YTHDC2: variants seen among roughly 807,000 people sequenced by gnomAD.
YTHDC2 encodes 3'-5' RNA helicase YTHDC2.
Under a neutral mutation model 174.9 loss-of-function variants are expected in YTHDC2, and 45 were observed. The observed-to-expected ratio is 0.26, with a 90% confidence interval of 0.20 to 0.33. YTHDC2 has a LOEUF of 0.33. Among genes scored for constraint, YTHDC2 ranks in the 10% least tolerant of loss-of-function variants. The probability of loss-of-function intolerance (pLI) is 1.00; values close to 1 mark genes in which losing one functional copy is unlikely to be tolerated. For missense variants in YTHDC2, 1,650 were observed against 1,723.7 expected, an observed-to-expected ratio of 0.96 and a Z score of 0.76; for synonymous variants, 657 against 574.5, an observed-to-expected ratio of 1.14 and a Z score of -2.05.
intron 12 of YTHDC2, among the ~76,000 whole-genome samples, chr5:113,551,065 G>A (rs1037425800): frequency 7.9e-5 from 12 of 151,978 alleles, no homozygotes; most frequent in African/African-American, 2.9e-4. Flanking sequence ...CTGGGTTTTT[G>A]TACTTAATTT....
intron 12 of YTHDC2, among the ~76,000 whole-genome samples, chr5:113,549,618 A>G (rs148139175): frequency 1.3e-5 from 2 of 152,206 alleles, no homozygotes; most frequent in Non-Finnish European, 2.9e-5. Context: ...AAGGAACAGA[A>G]CACAAATCTT....
chr5:113,536,605 C>T (rs1775091984), intron 7 of YTHDC2, among the ~76,000 whole-genome samples: 1 of 152,160 alleles, frequency 6.6e-6, no homozygotes, highest in South Asian at 2.1e-4. Context: ...AAAAAGTTCA[C>T]AATTGCCCCT....
At chr5:113,569,394 CG>C (rs1244482688) in intron 23 of YTHDC2, among the ~76,000 whole-genome samples, 4 of 152,074 alleles carry the variant, frequency 2.6e-5, no homozygotes, top group African/African-American at 9.7e-5. Flanking sequence ...TTGCTTTTGG[CG>C]TTTTTATCAT....
intron 17 of YTHDC2, among the ~76,000 whole-genome samples, chr5:113,557,225 GTGTT>G (rs529504173): frequency 8.4e-4 from 128 of 152,272 alleles, no homozygotes; most frequent in African/African-American, 2.7e-3. Context: ...ATTTTACTAA[GTGTT>G]TGGGTTACTT....
At chr5:113,561,946 TATTA>T (rs1288708232) in intron 18 of YTHDC2, among the ~76,000 whole-genome samples, 1 of 134,778 alleles carries the variant, frequency 7.4e-6, no homozygotes, top group Non-Finnish European at 1.6e-5. Flanking sequence ...TTCTGACCTC[TATTA>T]ATTGTGGGTG....
intron 25 of YTHDC2, 171 bp from the exon 26 acceptor site, chr5:113,584,131 A>G (rs1207426984): frequency 2.0e-6 from 1 of 492,090 alleles, no homozygotes; most frequent in African/African-American, 1.9e-5. Flanking sequence ...ACTGCCATAG[A>G]CATCTATATT....
intron 23 of YTHDC2, among the ~76,000 whole-genome samples, chr5:113,573,015 C>T (rs2112759710): frequency 6.6e-6 from 1 of 152,210 alleles, no homozygotes; most frequent in East Asian, 1.9e-4. Context: ...TGTCATGATG[C>T]TAGCTGGTTA....
intron 17 of YTHDC2, among the ~76,000 whole-genome samples, chr5:113,556,980 T>C (rs796132455): frequency 6.6e-6 from 1 of 152,094 alleles, no homozygotes; most frequent in South Asian, 2.1e-4. Context: ...CTGTGTGTTC[T>C]TATATGGAAT....
intron 23 of YTHDC2, among the ~76,000 whole-genome samples, chr5:113,577,235 A>C (rs1778113840): frequency 6.6e-6 from 1 of 152,108 alleles, no homozygotes; most frequent in Admixed American, 6.6e-5. Context: ...TGGTAGTAGA[A>C]GCTCTAGCTG....
chr5:113,567,648 T>TA lies in YTHDC2; in HGVS notation c.3049-4dup. On this transcript the variant is annotated splice_region_variant and splice_polypyrimidine_tract_variant and intron_variant, in intron 22 of 29. Transcript: ENST00000161863. ...TAACAATTTTTAAAATTTATTTTCT[T>TA]AATAGATTCCTCCAGCCAATGGTCA... The TA allele has an allele frequency of 6.3e-7, 1 of 1,581,114 alleles. No homozygotes were observed.
At chr5:113,544,789 G>C (rs1775745399) in intron 10 of YTHDC2, among the ~76,000 whole-genome samples, 1 of 151,554 alleles carries the variant, frequency 6.6e-6, no homozygotes, top group African/African-American at 2.4e-5. Context: ...GCCTTCTCTG[G>C]ATATGTTCTA....
At chr5:113,569,429 C>G (rs922673184) in intron 23 of YTHDC2, among the ~76,000 whole-genome samples, 12 of 152,234 alleles carry the variant, frequency 7.9e-5, no homozygotes, top group Admixed American at 5.9e-4. Flanking sequence ...GTGCCTATGT[C>G]CTGAATGGTA....
At chr5:113,529,641 T>A (rs1295999430) in intron 4 of YTHDC2, among the ~76,000 whole-genome samples, 1 of 152,138 alleles carries the variant, frequency 6.6e-6, no homozygotes, top group African/African-American at 2.4e-5. Context: ...TTTATTTGCC[T>A]CTTATCTGTT....
intron 23 of YTHDC2, among the ~76,000 whole-genome samples, chr5:113,579,186 T>C (rs2112784004): frequency 6.6e-6 from 1 of 152,226 alleles, no homozygotes; most frequent in South Asian, 2.1e-4. Context: ...TATTTAGCTG[T>C]ATACTTTTTC....
chr5:113,541,264 T>A (rs1204594609), intron 9 of YTHDC2, 148 bp downstream of exon 9: 1 of 881,052 alleles, frequency 1.1e-6, no homozygotes, highest in African/African-American at 1.7e-5. Context: ...TGATCTCGGC[T>A]CACTGCAAGC....
chr5:113,567,029 A>G, intron 21 of YTHDC2, 63 bp from the exon 22 acceptor site: 1 of 1,516,302 alleles, frequency 6.6e-7, no homozygotes, highest in Non-Finnish European at 8.9e-7. Flanking sequence ...AAGTTTTTGG[A>G]AAAAATACAC....
At chr5:113,520,519 AT>A (rs754386592) in intron 2 of YTHDC2, among the ~76,000 whole-genome samples, 4 of 151,430 alleles carry the variant, frequency 2.6e-5, no homozygotes, top group Non-Finnish European at 5.9e-5. Flanking sequence ...TTTTCTTTAA[AT>A]GAGAAGGAGT....
rs553290476 is a variant in YTHDC2, at chr5:113,521,606, C to T, written c.279-3375C>T. 2.0e-5 allele frequency among the ~76,000 whole-genome samples: 3 copies of T among 151,884 alleles called. No homozygotes were observed. In the South Asian group the frequency reaches 6.2e-4, roughly 32 times the overall value. On this transcript the variant is annotated intron_variant, in intron 2 of 29. Transcript: ENST00000161863. ...ATTAGCCATGCATGGTGGCGGGCGG[C>T]TGTAGTCCCAGCTACTGGGGAGACT...
intron 4 of YTHDC2, among the ~76,000 whole-genome samples, chr5:113,529,759 A>G (rs1774526532): frequency 2.0e-5 from 3 of 152,024 alleles, no homozygotes; most frequent in Non-Finnish European, 4.4e-5. Flanking sequence ...TGACTGTTAA[A>G]CATCTTAAAA....
Sources: gnomAD v4.1 joint callset for allele counts (sites outside exome capture counted in the v4.1 genomes callset) on GRCh38, gnomAD v4.1.1 for gene constraint, MANE v1.5 for transcripts, NCBI Gene and HGNC (gene_info 2026-07-23, HGNC 2026-07-21) for gene names.